The following XRN1 variants were observed in gnomAD, a reference collection of about 807,000 sequenced individuals.
XRN1 encodes 5'-3' exoribonuclease 1, also known as strand-exchange protein 1 homolog.
XRN1 carries 67 observed loss-of-function variants against 222.3 expected under a neutral mutation model. That is an observed-to-expected ratio of 0.30 (90% CI 0.25 to 0.37). The LOEUF (loss-of-function observed/expected upper bound fraction) is 0.37, where lower values mean the gene tolerates loss of function less well. Ranked by LOEUF, XRN1 falls within the 10% of genes least tolerant of loss-of-function variation. The pLI is 1.00. For synonymous variants in XRN1, 643 were observed against 652.4 expected (o/e 0.99, Z 0.22); for missense variants, 1,707 against 2,000.2 (o/e 0.85, Z 2.80).
At chr3:142,388,148 C>T (rs2067578342) in intron 20 of XRN1, among the ~76,000 whole-genome samples, 2 of 152,306 alleles carry the variant, frequency 1.3e-5, no homozygotes, top group South Asian at 2.1e-4. Flanking sequence ...GGTCCACTTA[C>T]ATGCAGATTT....
chr3:142,323,538 T>C (rs1056793967), intron 37 of XRN1, among the ~76,000 whole-genome samples: 4 of 152,218 alleles, frequency 2.6e-5, no homozygotes, highest in Non-Finnish European at 5.9e-5. Context: ...GAAAAGGCTA[T>C]TAAGATTCTC....
Position 142,355,383 on chromosome 3 carries a change from A to T in XRN1, c.3768+18T>A. The T allele has an allele frequency of 7.3e-7, 1 of 1,361,030 alleles. No individual in the cohort carries two copies. The highest frequency in any genetic ancestry group is 9.8e-7 in the Non-Finnish European group (1 of 1,023,336). 84.3% of individuals were successfully genotyped at this position (1,361,030 alleles called of 1,614,324 possible). ...ATTTTCTTTAAATTAATTGTCCATCAAAACAAGGAATACTAACCTTCTCTT... is the reference window on the plus strand; with the variant it reads ...ATTTTCTTTAAATTAATTGTCCATCTAAACAAGGAATACTAACCTTCTCTT... On this transcript the variant is annotated intron_variant, in intron 32 of 40. Transcript: ENST00000392981.
At chr3:142,333,403 G>T (rs1338545420) in intron 34 of XRN1, among the ~76,000 whole-genome samples, 2 of 152,030 alleles carry the variant, frequency 1.3e-5, no homozygotes, top group Non-Finnish European at 2.9e-5. Flanking sequence ...TATATTTATA[G>T]TTAATATGTA....
chr3:142,396,230 C>T (rs1031691213), intron 20 of XRN1, among the ~76,000 whole-genome samples: 7 of 152,036 alleles, frequency 4.6e-5, no homozygotes, highest in East Asian at 1.9e-4. Flanking sequence ...ACACTTTACC[C>T]GAAGTACTTT....
chr3:142,420,835 C>A (rs2068998279), intron 10 of XRN1, among the ~76,000 whole-genome samples, 181 bp downstream of exon 10: 1 of 151,892 alleles, frequency 6.6e-6, no homozygotes, highest in African/African-American at 2.4e-5. Context: ...TATTGAAGAT[C>A]TCATTAAATG....
At position 142,412,653 on chromosome 3, in the gene XRN1, G is replaced by A. The variant is rs770728217; in HGVS notation, c.1604C>T (p.Thr535Ile). 5 of 1,582,238 alleles carry A rather than the reference G, an allele frequency of 3.2e-6. No individual in the cohort carries two copies. Among genetic ancestry groups the A allele is most frequent in the Non-Finnish European group, 4.3e-6 (5 of 1,159,442 alleles). ...LLPACYQHLM[T>I]NEDSPIIEYY... ...TTCTATAATTGGTGAGTCTTCATTG[G>A]TCATCAAATGCTGTGAAAATATGAA... The change falls in exon 15 of 41, where the codon ACC becomes ATC. Residue 535 changes from threonine (T) to isoleucine (I), a missense_variant. Transcript: ENST00000392981.
chr3:142,359,585 G>T (rs2066560492), intron 30 of XRN1, among the ~76,000 whole-genome samples: 1 of 151,984 alleles, frequency 6.6e-6, no homozygotes, highest in South Asian at 2.1e-4. Context: ...CTCAGGATGG[G>T]TCATACTCTT....
chr3:142,349,449 T>C (rs2066244258), intron 32 of XRN1, among the ~76,000 whole-genome samples: 1 of 152,058 alleles, frequency 6.6e-6, no homozygotes, highest in African/African-American at 2.4e-5. Flanking sequence ...TGTGTACCCA[T>C]TATTTTAATA....
intron 25 of XRN1, among the ~76,000 whole-genome samples, chr3:142,372,321 T>A (rs898296107): frequency 6.6e-6 from 1 of 152,088 alleles, no homozygotes; most frequent in Non-Finnish European, 1.5e-5. Context: ...CTAGGAAGCA[T>A]AAGGTCTCTA....
At chr3:142,355,292 T>G in intron 32 of XRN1, 109 bp downstream of exon 32, 1 of 548,168 alleles carries the variant, frequency 1.8e-6, no homozygotes, top group Non-Finnish European at 2.9e-6. Flanking sequence ...AAATTGTCAT[T>G]TTCTATTTTA....
chr3:142,353,098 G>C (rs1000590697), intron 32 of XRN1, among the ~76,000 whole-genome samples: 2 of 151,996 alleles, frequency 1.3e-5, no homozygotes, highest in African/African-American at 4.8e-5. Flanking sequence ...ATACATATTT[G>C]TTCATTCATA....
At chr3:142,444,341 C>T (rs1319609744) in intron 1 of XRN1, among the ~76,000 whole-genome samples, 2 of 152,174 alleles carry the variant, frequency 1.3e-5, no homozygotes, top group African/African-American at 4.8e-5. Context: ...GGCACGGTGG[C>T]TCATGCCTAT....
chr3:142,361,895 T>G (rs1055022010), intron 29 of XRN1, among the ~76,000 whole-genome samples: 4 of 147,368 alleles, frequency 2.7e-5, no homozygotes, highest in African/African-American at 1.0e-4. Context: ...TGAAGAGAGT[T>G]TTTTTTTTTT....
chr3:142,400,940 A>G (rs2068105954), intron 18 of XRN1, among the ~76,000 whole-genome samples: 1 of 152,152 alleles, frequency 6.6e-6, no homozygotes, highest in South Asian at 2.1e-4. Context: ...TAAATAAATA[A>G]AATGAACAAG....
At chr3:142,416,638 A>G (rs779901978) in intron 13 of XRN1, among the ~76,000 whole-genome samples, 3 of 152,240 alleles carry the variant, frequency 2.0e-5, no homozygotes, top group Non-Finnish European at 4.4e-5. Flanking sequence ...TTAAATCTTT[A>G]CATTAACTAA....
At position 142,375,257 on chromosome 3, in the gene XRN1, T is replaced by C. The variant is rs114847644; in HGVS notation, c.2978+541A>G. Among the ~76,000 whole-genome samples the C allele has an allele frequency of 6.5e-4, 99 of 152,316 alleles. 2 individuals carry two copies. The highest frequency in any genetic ancestry group is 2.3e-3 in the African/African-American group (95 of 41,570). Reference sequence around the variant, plus strand: ...ATAAGGTTAGAAACCAGTGGAATAATGGAAAGAACATTAAATTATGAATCA... The same window carrying C: ...ATAAGGTTAGAAACCAGTGGAATAACGGAAAGAACATTAAATTATGAATCA... On this transcript the variant is annotated intron_variant, in intron 25 of 40. Transcript: ENST00000392981.
intron 20 of XRN1, among the ~76,000 whole-genome samples, chr3:142,387,283 G>A (rs572321397): frequency 1.5e-4 from 23 of 152,186 alleles, no homozygotes; most frequent in Admixed American, 2.6e-4. Flanking sequence ...AATGTATGTG[G>A]TTACAAGTCA....
intron 32 of XRN1, 95 bp from the exon 33 acceptor site, chr3:142,347,437 T>TC (rs1559804137): frequency 2.5e-6 from 2 of 804,562 alleles, no homozygotes; most frequent in Non-Finnish European, 3.6e-6. Context: ...ATAAAAATTA[T>TC]ATAGTTCCTT....
At chr3:142,434,958 AG>A (rs897268171) in intron 1 of XRN1, 12 of 152,204 alleles carry the variant, frequency 7.9e-5, no homozygotes, top group African/African-American at 1.7e-4. Context: ...TTAAACTCTT[AG>A]GGTAGGAAAA....
Sources: gnomAD v4.1 joint callset for allele counts (sites outside exome capture counted in the v4.1 genomes callset) on GRCh38, gnomAD v4.1.1 for gene constraint, MANE v1.5 for transcripts, NCBI Gene and HGNC (gene_info 2026-07-23, HGNC 2026-07-21) for gene names.